The following PDC variants were observed in gnomAD, a reference collection of about 807,000 sequenced individuals.
PDC encodes the protein 33 kDa phototransducing protein.
PDC carries 19 observed loss-of-function variants against 22.2 expected under a neutral mutation model. That is an observed-to-expected ratio of 0.86 (90% CI 0.60 to 1.26). The LOEUF (loss-of-function observed/expected upper bound fraction) is 1.26, where lower values mean the gene tolerates loss of function less well. PDC is among the 50% of genes most tolerant of loss of function. The probability of loss-of-function intolerance (pLI) is 0.00; values close to 1 mark genes in which losing one functional copy is unlikely to be tolerated. For missense variants in PDC, 274 were observed against 286.8 expected, an observed-to-expected ratio of 0.96 and a Z score of 0.32; for synonymous variants, 97 against 96.2, an observed-to-expected ratio of 1.01 and a Z score of -0.05.
chr1:186,459,612 TATATA>T (rs1662538693), intron 1 of PDC, among the ~76,000 whole-genome samples: 2 of 151,626 alleles, frequency 1.3e-5, no homozygotes, highest in African/African-American at 4.8e-5. Context: ...GATAATGACT[TATATA>T]ATATCAAATC....
intron 3 of PDC, among the ~76,000 whole-genome samples, chr1:186,445,437 C>T (rs1402394559): frequency 7.9e-5 from 12 of 152,176 alleles, no homozygotes. Flanking sequence ...ATGATGCTTT[C>T]ATTACTTCTT....
Position 186,449,332 on chromosome 1 carries a change from A to G in PDC, c.61+67T>C, listed in dbSNP as rs1662299755. On this transcript the variant is annotated intron_variant, in intron 2 of 3. Transcript: ENST00000391997. The stretch of plus-strand genomic sequence containing the variant: ...AAAGTACATACTGAATAGTGTCAAT[A>G]AGAACATTAGATATTGCCATATTTA... 3.7e-5 allele frequency: 33 copies of G among 894,258 alleles called. 2 individuals carry two copies. The South Asian group carries it at 4.7e-4, about 13-fold the overall frequency. The allele number at this position is 894,258 out of a possible 1,614,324, so 55.4% of individuals were successfully genotyped here.
chr1:186,444,452 G>A lies in PDC; in HGVS notation c.268C>T (p.Leu90Phe), dbSNP rs2102126415. 6.2e-7 allele frequency: 1 copy of A among 1,611,604 alleles called. No individual in the cohort carries two copies. Among genetic ancestry groups the A allele is most frequent in the East Asian group, 2.2e-5 (1 of 44,844 alleles). Residue 90 changes from leucine to phenylalanine, a missense_variant, in exon 4 of 4, where the codon CTT becomes TTT. Coordinates refer to ENST00000391997, the MANE Select transcript of PDC (RefSeq NM_002597.5). ...IHKEKEDENCLRKYRRQCMQD... is the reference protein window; with the variant it reads ...IHKEKEDENCFRKYRRQCMQD... ...ATACACTGTCTACGGTATTTACGAA[G>A]GCAGTTTTCATCCTCTTTCTCTTTA...
At chr1:186,446,608 C>CT (rs749940346) in intron 2 of PDC, 31 bp from the exon 3 acceptor site, 1 of 1,384,524 alleles carries the variant, frequency 7.2e-7, no homozygotes, top group Non-Finnish European at 1.0e-6. Flanking sequence ...AATTGTTTTC[C>CT]TTTTTATTTT....
rs1478819083 is a variant in PDC at position 186,444,161 on chromosome 1, G to T, written c.559C>A (p.Pro187Thr). 6.2e-7 allele frequency: 1 copy of T among 1,613,592 alleles called. No homozygotes were observed. The highest frequency in any genetic ancestry group is 8.5e-7 in the Non-Finnish European group (1 of 1,179,578). The change falls in exon 4 of 4, where the codon CCT becomes ACT. Residue 187 changes from proline (P) to threonine (T), a missense_variant. Physicochemically the swap from Pro to Thr is conservative, Grantham distance 38 (BLOSUM62 -1). Transcript: ENST00000391997. ...CCACCTTTATAGATGAGCAGTGTAG[G>T]AAGTACATCTAAGGAAAAGCGGTCC... Reference protein sequence around the residue: ...AGDRFSLDVLPTLLIYKGGEL... With the variant: ...AGDRFSLDVLTTLLIYKGGEL...
chr1:186,450,523 A>AT (rs1306671763), intron 1 of PDC, among the ~76,000 whole-genome samples: 2 of 150,752 alleles, frequency 1.3e-5, no homozygotes, highest in East Asian at 3.9e-4. Flanking sequence ...GTTTTTTTTT[A>AT]TTTTTTGGTA....
intron 1 of PDC, among the ~76,000 whole-genome samples, chr1:186,460,726 C>G (rs923460521): frequency 1.3e-5 from 2 of 152,170 alleles, no homozygotes; most frequent in African/African-American, 2.4e-5. Flanking sequence ...AAGGACTCAT[C>G]ATTTATTCTC....
At position 186,459,642 on chromosome 1, in the gene PDC, G is replaced by A. The variant is rs927651841; in HGVS notation, c.-25+1417C>T. 2.0e-5 allele frequency among the ~76,000 whole-genome samples: 3 copies of A among 150,760 alleles called. No individual in the cohort carries two copies. In the South Asian group the frequency reaches 6.2e-4, roughly 31 times the overall value. On this transcript the variant is annotated intron_variant, in intron 1 of 3. Coordinates refer to ENST00000391997, the MANE Select transcript of PDC (RefSeq NM_002597.5). ...AATATCAAATCCACTTATAAACATA[G>A]TATTTGGGCAGAAATTGTCATGATG...
At chr1:186,458,125 T>C (rs1466278506) in intron 1 of PDC, among the ~76,000 whole-genome samples, 1 of 151,740 alleles carries the variant, frequency 6.6e-6, no homozygotes, top group Non-Finnish European at 1.5e-5. Flanking sequence ...TAAAAAAAAA[T>C]TTACTCTGGA....
intron 2 of PDC, among the ~76,000 whole-genome samples, chr1:186,449,075 G>T (rs1662294580): frequency 6.6e-6 from 1 of 152,010 alleles, no homozygotes; most frequent in African/African-American, 2.4e-5. Flanking sequence ...TACAATGAAA[G>T]TTCATACTGA....
chr1:186,446,871 A>C lies in PDC; in HGVS notation c.62-294T>G, dbSNP rs180968605. On this transcript the variant is annotated intron_variant, in intron 2 of 3. Transcript: ENST00000391997. ...AAGGTTGGGGTTAATATATTTAAAA[A>C]TTAGAGTCCTGATAGGATACTAGAA... is the stretch of plus-strand genomic sequence containing the variant. Among the ~76,000 whole-genome samples, 345 of 152,348 alleles carry C rather than the reference A, an allele frequency of 2.3e-3. 1 individual carries two copies. Among genetic ancestry groups the C allele is most frequent in the African/African-American group, 7.8e-3 (324 of 41,586 alleles).
chr1:186,459,657 T>C (rs983357964), intron 1 of PDC, among the ~76,000 whole-genome samples: 1 of 150,470 alleles, frequency 6.6e-6, no homozygotes, highest in Non-Finnish European at 1.5e-5. Context: ...TGGGCAGAAA[T>C]TGTCATGATG....
chr1:186,459,206 G>A (rs1662529247), intron 1 of PDC, among the ~76,000 whole-genome samples: 1 of 152,136 alleles, frequency 6.6e-6, no homozygotes, highest in Non-Finnish European at 1.5e-5. Context: ...TATTTACCAG[G>A]ACCCTTCCTC....
At position 186,444,144 on chromosome 1, in the gene PDC, AT is replaced by A. The variant is rs1453833693; in HGVS notation, c.575del (p.Tyr192LeufsTer7). On this transcript the variant is annotated frameshift_variant, in exon 4 of 4. Transcript: ENST00000391997. LOFTEE classifies it high-confidence loss of function. Reference sequence around the variant, plus strand: ...AATTGCTTATGAGTTCCCCACCTTTATAGATGAGCAGTGTAGGAAGTACATC... The same window carrying A: ...AATTGCTTATGAGTTCCCCACCTTTAAGATGAGCAGTGTAGGAAGTACATC... ...SLDVLPTLLI[Y>X]KGGELISNFI... is the part of the protein sequence containing the mutation. 2 of 1,613,796 alleles carry A rather than the reference AT, an allele frequency of 1.2e-6. No homozygotes were observed. The highest frequency in any genetic ancestry group is 1.7e-6 in the Non-Finnish European group (2 of 1,179,824).
chr1:186,459,408 G>C (rs544200000), intron 1 of PDC, among the ~76,000 whole-genome samples: 3 of 152,308 alleles, frequency 2.0e-5, no homozygotes, highest in East Asian at 3.9e-4. Flanking sequence ...TGATCCGCCA[G>C]CCTTGGCCTC....
rs199564768 is a variant in PDC, at chr1:186,444,298, T to A, written c.422A>T (p.Tyr141Phe). The change falls in exon 4 of 4, where the codon TAT becomes TTT. Residue 141 changes from tyrosine to phenylalanine, a missense_variant. Coordinates refer to ENST00000391997, the MANE Select transcript of PDC (RefSeq NM_002597.5). ...ATCACAACCCTTAATACCATCTTCA[T>A]AAATGTGAACAACAATTGTGGTGAT... ...LKITTIVVHI[Y>F]EDGIKGCDAL... 1.9e-6 allele frequency: 3 copies of A among 1,613,742 alleles called. No homozygotes were observed. The highest frequency in any genetic ancestry group is 2.5e-6 in the Non-Finnish European group (3 of 1,179,762).
chr1:186,459,863 C>CA (rs1662545939), intron 1 of PDC, among the ~76,000 whole-genome samples: 2 of 146,518 alleles, frequency 1.4e-5, no homozygotes, highest in South Asian at 4.3e-4. Context: ...CACTCATTTT[C>CA]ATGATGCAAA....
intron 1 of PDC, among the ~76,000 whole-genome samples, chr1:186,455,629 G>C (rs1662441090): frequency 6.6e-6 from 1 of 151,030 alleles, no homozygotes; most frequent in Admixed American, 6.6e-5. Flanking sequence ...CATGCCTGTG[G>C]ACCCCCAATC....
chr1:186,460,684 A>C (rs1166378788), intron 1 of PDC, among the ~76,000 whole-genome samples: 2 of 152,118 alleles, frequency 1.3e-5, no homozygotes, highest in Admixed American at 1.3e-4. Context: ...TCCTTTTCCA[A>C]CTTGGGAGCC....
Sources: gnomAD v4.1 joint callset for allele counts (sites outside exome capture counted in the v4.1 genomes callset) on GRCh38, gnomAD v4.1.1 for gene constraint, MANE v1.5 for transcripts, NCBI Gene and HGNC (gene_info 2026-07-23, HGNC 2026-07-21) for gene names.